FRYL: variants seen among roughly 807,000 people sequenced by gnomAD.
FRYL encodes the protein FRY like transcription coactivator, also known as protein furry homolog-like.
FRYL carries 150 observed loss-of-function variants against 351.2 expected under a neutral mutation model. That is an observed-to-expected ratio of 0.43 (90% confidence interval 0.37 to 0.49). The LOEUF is 0.49. FRYL is among the 20% of genes least tolerant of loss of function. FRYL has a pLI of 0.00. For missense variants in FRYL, 3,036 were observed against 3,619.3 expected (o/e 0.84, Z 4.13); for synonymous variants, 1,153 against 1,257.1 (o/e 0.92, Z 1.75).
At chr4:48,665,884 G>T (rs1761636017) in intron 3 of FRYL, among the ~76,000 whole-genome samples, 1 of 152,122 alleles carries the variant, frequency 6.6e-6, no homozygotes, top group Non-Finnish European at 1.5e-5. Context: ...TTCCTAAATT[G>T]TCAGTAGTAA....
intron 3 of FRYL, among the ~76,000 whole-genome samples, chr4:48,662,883 T>A (rs1159846411): frequency 6.6e-6 from 1 of 151,838 alleles, no homozygotes; most frequent in Non-Finnish European, 1.5e-5. Flanking sequence ...AAAATATCTT[T>A]CAAATATAAT....
chr4:48,512,563 C>T lies in FRYL; in HGVS notation c.8063G>A (p.Arg2688His), dbSNP rs550020018. 5.9e-4 allele frequency: 956 copies of T among 1,614,032 alleles called. 11 individuals carry two copies. In the South Asian group the frequency reaches 9.5e-3, roughly 16 times the overall value. Reference protein sequence around the residue: ...VAYDDEEEAWRCHVNQMLSDT... With the variant: ...VAYDDEEEAWHCHVNQMLSDT... ...AGACAGCATCTGATTGACGTGGCAG[C>T]GCCAGGCTTCCTCTTCATCATCATA... is the stretch of plus-strand genomic sequence containing the variant. The change falls in exon 57 of 64, where the codon CGC becomes CAC. Residue 2688 changes from arginine (R) to histidine (H), a missense_variant. This residue lies in a region of FRYL where 1,987 missense variants were observed against 2,311.7 expected (regional missense o/e 0.86). Transcript: ENST00000358350.
intron 1 of FRYL, among the ~76,000 whole-genome samples, chr4:48,761,059 A>AAAT (rs1387250676): frequency 4.1e-5 from 6 of 147,966 alleles, no homozygotes; most frequent in Middle Eastern, 6.5e-3. Flanking sequence ...GTTGAAGAGG[A>AAAT]AATATACAAA....
At chr4:48,524,858 G>A (rs1199597992) in intron 53 of FRYL, among the ~76,000 whole-genome samples, 1 of 152,058 alleles carries the variant, frequency 6.6e-6, no homozygotes, top group East Asian at 1.9e-4. Context: ...GTCAAGAGCT[G>A]CCTTTAGAAA....
At chr4:48,513,327 T>C (rs955671130) in intron 56 of FRYL, among the ~76,000 whole-genome samples, 1 of 152,308 alleles carries the variant, frequency 6.6e-6, no homozygotes, top group Non-Finnish European at 1.5e-5. Flanking sequence ...TTCATAAGCA[T>C]ATACTATGTT....
At chr4:48,651,613 G>A (rs953351626) in intron 3 of FRYL, among the ~76,000 whole-genome samples, 2 of 151,986 alleles carry the variant, frequency 1.3e-5, no homozygotes, top group South Asian at 4.2e-4. Flanking sequence ...TAAGCTCCTC[G>A]AGAGAAAGGA....
chr4:48,612,575 ATTTT>A (rs1307572414), intron 7 of FRYL, among the ~76,000 whole-genome samples: 1 of 151,196 alleles, frequency 6.6e-6, no homozygotes, highest in African/African-American at 2.4e-5. Flanking sequence ...CAACTGTTCT[ATTTT>A]TATTTATTTA....
At chr4:48,682,001 T>C (rs1314610243) in intron 3 of FRYL, among the ~76,000 whole-genome samples, 1 of 152,176 alleles carries the variant, frequency 6.6e-6, no homozygotes, top group East Asian at 1.9e-4. Context: ...GAAAGTTCTC[T>C]CCCTTCCTTT....
chr4:48,571,653 C>A (rs1381815174), intron 26 of FRYL: 5 of 985,182 alleles, frequency 5.1e-6, no homozygotes, highest in Non-Finnish European at 6.0e-6. Flanking sequence ...CTTCCAGGTG[C>A]ATGATAATTT....
At chr4:48,551,692 A>AAAAC in intron 36 of FRYL, 114 bp from the exon 37 acceptor site, 2 of 664,326 alleles carry the variant, frequency 3.0e-6, no homozygotes, top group Non-Finnish European at 5.1e-6. Context: ...GAGCAAAGTC[A>AAAAC]TTTAAAAAAA....
intron 61 of FRYL, among the ~76,000 whole-genome samples, chr4:48,502,443 G>A (rs759289342): frequency 6.6e-6 from 1 of 151,810 alleles, no homozygotes; most frequent in Non-Finnish European, 1.5e-5. Flanking sequence ...TACTGGGGAA[G>A]CTGAGGCAGG....
chr4:48,599,662 C>A (rs1745309763), intron 13 of FRYL, among the ~76,000 whole-genome samples: 1 of 152,156 alleles, frequency 6.6e-6, no homozygotes, highest in Non-Finnish European at 1.5e-5. Context: ...AGCTATGGAA[C>A]TATGTGAATA....
At chr4:48,516,946 G>A (rs1254255905) in intron 55 of FRYL, among the ~76,000 whole-genome samples, 1 of 152,082 alleles carries the variant, frequency 6.6e-6, no homozygotes, top group Admixed American at 6.6e-5. Flanking sequence ...TGATATTGCA[G>A]GGAAAGTGAT....
chr4:48,725,885 A>G (rs1770024473), intron 1 of FRYL, among the ~76,000 whole-genome samples: 1 of 152,240 alleles, frequency 6.6e-6, no homozygotes, highest in Non-Finnish European at 1.5e-5. Context: ...TGGGAAAAAA[A>G]CATAGTATAC....
In FRYL at chr4:48,550,517, T is replaced by G. The variant is rs550901187; in HGVS notation, c.4633+75A>C. The stretch of plus-strand genomic sequence containing the variant: ...TTAAAAACAATTTACTGAAAATATA[T>G]ATTTATTAACATTAATGTAATTAAC... On this transcript the variant is annotated intron_variant, in intron 38 of 63. Coordinates refer to ENST00000358350, the MANE Select transcript of FRYL (RefSeq NM_015030.2). 9 of 878,420 alleles carry G rather than the reference T, an allele frequency of 1.0e-5. No homozygotes were observed. The Admixed American group carries it at 1.1e-4, about 11-fold the overall frequency. 54.4% of individuals were successfully genotyped at this position (878,420 alleles called of 1,614,324 possible).
At chr4:48,503,839 T>A in intron 60 of FRYL, among the ~76,000 whole-genome samples, 1 of 152,184 alleles carries the variant, frequency 6.6e-6, no homozygotes, top group African/African-American at 2.4e-5. Flanking sequence ...TCAAGCATAT[T>A]CCATATCTAA....
At chr4:48,577,013 T>A (rs114249685) in intron 23 of FRYL, among the ~76,000 whole-genome samples, 2 of 152,168 alleles carry the variant, frequency 1.3e-5, no homozygotes, top group Non-Finnish European at 2.9e-5. Flanking sequence ...GTGACATTAT[T>A]TTGATTAACT....
chr4:48,717,866 AC>A (rs1299506497), intron 1 of FRYL, among the ~76,000 whole-genome samples: 3 of 151,570 alleles, frequency 2.0e-5, no homozygotes, highest in Non-Finnish European at 4.4e-5. Context: ...TCAATTGGTG[AC>A]TTGCACGGCA....
intron 13 of FRYL, among the ~76,000 whole-genome samples, chr4:48,596,870 C>A (rs563601186): frequency 2.1e-5 from 3 of 145,456 alleles, no homozygotes; most frequent in East Asian, 2.0e-4. Flanking sequence ...TTTTTTTTTA[C>A]GGAGAAACTC....
Sources: gnomAD v4.1 joint callset for allele counts (sites outside exome capture counted in the v4.1 genomes callset) on GRCh38, gnomAD v4.1.1 for gene constraint, gnomAD v4.1.1 regional missense constraint, MANE v1.5 for transcripts, NCBI Gene and HGNC (gene_info 2026-07-23, HGNC 2026-07-21) for gene names.